FAR2: variants seen among roughly 807,000 people sequenced by gnomAD.
The protein encoded by FAR2 is epididymis secretory protein Li 81.
Under a neutral mutation model 56.0 loss-of-function variants are expected in FAR2, and 19 were observed. That is an observed-to-expected ratio of 0.34 (90% CI 0.24 to 0.50). The LOEUF is 0.50. FAR2 is among the 20% of genes least tolerant of loss of function. The probability of loss-of-function intolerance (pLI) is 0.98; values close to 1 mark genes in which losing one functional copy is unlikely to be tolerated. For synonymous variants in FAR2, 219 were observed against 218.8 expected (o/e 1.00, Z -0.01); for missense variants, 508 against 642.2 (o/e 0.79, Z 2.26).
chr12:29,266,298 A>G (rs1157155297), intron 1 of FAR2, among the ~76,000 whole-genome samples: 3 of 152,328 alleles, frequency 2.0e-5, no homozygotes, highest in African/African-American at 7.2e-5. Flanking sequence ...AAAATGTGGT[A>G]AATATACACA....
intron 2 of FAR2, among the ~76,000 whole-genome samples, chr12:29,284,581 G>A (rs1272313877): frequency 3.3e-5 from 5 of 152,056 alleles, no homozygotes; most frequent in Non-Finnish European, 7.4e-5. Context: ...TTACACACTG[G>A]GTCCACAGTT....
At chr12:29,258,307 A>G (rs907178347) in intron 1 of FAR2, among the ~76,000 whole-genome samples, 3 of 152,162 alleles carry the variant, frequency 2.0e-5, no homozygotes, top group Non-Finnish European at 2.9e-5. Context: ...GTGAGCCGAG[A>G]TCGCACCACT....
intron 1 of FAR2, among the ~76,000 whole-genome samples, chr12:29,178,391 G>A (rs1047432755): frequency 3.9e-5 from 6 of 152,148 alleles, no homozygotes; most frequent in Admixed American, 1.3e-4. Context: ...CCCAGGAGTT[G>A]GAGACTAGCC....
At position 29,266,172 on chromosome 12, in the gene FAR2, A is replaced by G. The variant is rs924648416; in HGVS notation, c.-38-4240A>G. ...CCACAGCTAGGTATATACCCCGATG[A>G]AAGGAAATCAGTGTATCAAAGAGAT... is the stretch of plus-strand genomic sequence containing the variant. On this transcript the variant is annotated intron_variant, in intron 1 of 11. Coordinates refer to ENST00000536681, the MANE Select transcript of FAR2 (RefSeq NM_001271783.2). 2.6e-5 allele frequency among the ~76,000 whole-genome samples: 4 copies of G among 152,306 alleles called. No individual in the cohort carries two copies. The East Asian group carries it at 5.8e-4, about 22-fold the overall frequency.
chr12:29,247,747 C>T (rs1291172826), intron 1 of FAR2, among the ~76,000 whole-genome samples: 1 of 152,160 alleles, frequency 6.6e-6, no homozygotes, highest in Non-Finnish European at 1.5e-5. Flanking sequence ...ATGGATAAAC[C>T]TGTATAAGTC....
At chr12:29,270,292 A>G (rs960860775) in intron 1 of FAR2, 120 bp from the exon 2 acceptor site, 1 of 645,318 alleles carries the variant, frequency 1.5e-6, no homozygotes, top group Non-Finnish European at 2.5e-6. Context: ...CGATGCTCTC[A>G]CTGTCTGACC....
At chr12:29,210,214 T>G (rs1286159663) in intron 1 of FAR2, among the ~76,000 whole-genome samples, 2 of 152,088 alleles carry the variant, frequency 1.3e-5, no homozygotes, top group Non-Finnish European at 2.9e-5. Flanking sequence ...TCAAAATAAA[T>G]TAATTAAATA....
intron 1 of FAR2, among the ~76,000 whole-genome samples, chr12:29,170,975 C>T (rs541019340): frequency 1.3e-5 from 2 of 152,344 alleles, no homozygotes; most frequent in African/African-American, 2.4e-5. Flanking sequence ...TTAGGAACTC[C>T]CTTTCTTTCC....
chr12:29,189,182 C>G (rs975753158), intron 1 of FAR2, among the ~76,000 whole-genome samples: 1 of 152,142 alleles, frequency 6.6e-6, no homozygotes, highest in Non-Finnish European at 1.5e-5. Context: ...TTGAAATTCT[C>G]CTGTATGGAA....
chr12:29,228,087 A>C (rs1365117040), intron 1 of FAR2, among the ~76,000 whole-genome samples: 1 of 151,936 alleles, frequency 6.6e-6, no homozygotes, highest in African/African-American at 2.4e-5. Context: ...CATATGTAAC[A>C]AACCTGCATA....
At chr12:29,328,100 G>A (rs1371587231) in intron 10 of FAR2, among the ~76,000 whole-genome samples, 2 of 152,270 alleles carry the variant, frequency 1.3e-5, no homozygotes, top group Middle Eastern at 3.4e-3. Context: ...CTAAGGATAT[G>A]AACAGACACT....
chr12:29,314,110 T>C (rs1451743835), intron 8 of FAR2, among the ~76,000 whole-genome samples: 2 of 152,234 alleles, frequency 1.3e-5, no homozygotes, highest in Non-Finnish European at 2.9e-5. Flanking sequence ...TATGAGGATG[T>C]AGAAGTGCAG....
At chr12:29,307,910 TTTC>T (rs1949280110) in intron 5 of FAR2, 75 bp downstream of exon 5, 4 of 1,428,228 alleles carry the variant, frequency 2.8e-6, no homozygotes, top group Admixed American at 2.2e-5. Context: ...TTCTGATGTC[TTTC>T]TTCTTCTCCT....
At chr12:29,201,700 A>G (rs570744359) in intron 1 of FAR2, among the ~76,000 whole-genome samples, 3 of 152,378 alleles carry the variant, frequency 2.0e-5, no homozygotes, top group African/African-American at 7.2e-5. Context: ...ACCTGAGCCC[A>G]TTATTTCACT....
At chr12:29,275,348 G>A (rs1948693440) in intron 2 of FAR2, among the ~76,000 whole-genome samples, 1 of 152,028 alleles carries the variant, frequency 6.6e-6, no homozygotes, top group African/African-American at 2.4e-5. Context: ...GCAGGAACAG[G>A]CCATTTTCAC....
At chr12:29,252,015 G>T (rs1948220860) in intron 1 of FAR2, among the ~76,000 whole-genome samples, 1 of 152,142 alleles carries the variant, frequency 6.6e-6, no homozygotes, top group Admixed American at 6.5e-5. Context: ...CTGCCACAAA[G>T]AGACCTAACA....
Position 29,177,631 on chromosome 12 carries a change from T to G in FAR2, c.-39+28224T>G, listed in dbSNP as rs900511087. Among the ~76,000 whole-genome samples the G allele has an allele frequency of 2.6e-5, 4 of 152,084 alleles. No individual in the cohort carries two copies. In the South Asian group the frequency reaches 8.3e-4, roughly 32 times the overall value. On this transcript the variant is annotated intron_variant, in intron 1 of 11. Coordinates refer to ENST00000536681, the MANE Select transcript of FAR2 (RefSeq NM_001271783.2). ...GTGGGTTGAAAAAAAGCATTGAAAT[T>G]ACATTACTCTGACACAGTACCTGAA...
chr12:29,189,581 A>T (rs1380400346), intron 1 of FAR2, among the ~76,000 whole-genome samples: 1 of 152,100 alleles, frequency 6.6e-6, no homozygotes, highest in Non-Finnish European at 1.5e-5. Flanking sequence ...CATTGACTCT[A>T]GGCCCTCTCA....
intron 1 of FAR2, among the ~76,000 whole-genome samples, chr12:29,269,679 AT>A (rs1450081667): frequency 6.6e-6 from 1 of 152,216 alleles, no homozygotes; most frequent in Non-Finnish European, 1.5e-5. Flanking sequence ...AAACTAATAA[AT>A]GTCTATGAAA....
Sources: gnomAD v4.1 joint callset for allele counts (sites outside exome capture counted in the v4.1 genomes callset) on GRCh38, gnomAD v4.1.1 for gene constraint, MANE v1.5 for transcripts, NCBI Gene and HGNC (gene_info 2026-07-23, HGNC 2026-07-21) for gene names.